Variants in ITPK1 observed in about 807,000 individuals in gnomAD.
The protein encoded by ITPK1 is inositol-tetrakisphosphate 1-kinase, also known as inositol 1,3,4-trisphosphate 5/6-kinase.
Under a neutral mutation model 45.3 loss-of-function variants are expected in ITPK1, and 21 were observed. The observed-to-expected ratio is 0.46, with a 90% CI of 0.33 to 0.67. The LOEUF (loss-of-function observed/expected upper bound fraction) is 0.67. Among genes scored for constraint, ITPK1 ranks in the 30% least tolerant of loss-of-function variants. The pLI is 0.02. For missense variants in ITPK1, 474 were observed against 573.5 expected, an observed-to-expected ratio of 0.83 and a Z score of 1.77; for synonymous variants, 258 against 253.6, an observed-to-expected ratio of 1.02 and a Z score of -0.16.
At chr14:93,079,592 C>A (rs570216583) in intron 2 of ITPK1, among the ~76,000 whole-genome samples, 9 of 152,182 alleles carry the variant, frequency 5.9e-5, no homozygotes, top group Non-Finnish European at 1.0e-4. Flanking sequence ...GAGGTGGCAG[C>A]GGAAAACTGC....
Position 93,110,617 on chromosome 14 carries a change from G to C in ITPK1, c.95+4452C>G, listed in dbSNP as rs372599212. Among the ~76,000 whole-genome samples, 246 of 152,348 alleles carry C rather than the reference G, an allele frequency of 1.6e-3. 3 individuals are homozygous for C. The South Asian group carries it at 0.043, about 27-fold the overall frequency. ...TGACACCAAACTCCCAGACCCATGA[G>C]AGCAGATGCAGGCCTGGGCTACCTA... is the stretch of plus-strand genomic sequence containing the variant. On this transcript the variant is annotated intron_variant, in intron 2 of 10. Coordinates refer to ENST00000267615, the MANE Select transcript of ITPK1 (RefSeq NM_014216.6).
intron 4 of ITPK1, among the ~76,000 whole-genome samples, chr14:92,999,272 C>T (rs1017326416): frequency 1.3e-5 from 2 of 152,234 alleles, no homozygotes; most frequent in African/African-American, 4.8e-5. Context: ...ATTTGCGGGT[C>T]CCCCACAGCA....
Position 93,016,758 on chromosome 14 carries a change from A to G in ITPK1, c.164T>C (p.Val55Ala). Residue 55 changes from valine to alanine, a missense_variant, in exon 4 of 11, where the codon GTC (valine) becomes GCC (alanine). By Grantham distance (64) the Val-to-Ala change is moderately conservative. Transcript: ENST00000267615. This position sits in a 1 kb window ranked among gnomAD's most constrained non-coding sequence, Gnocchi z 5.0. ...RPIEEQGPLD[V>A]IIHKLTDVIL... is the part of the protein sequence containing the mutation. ...GACGTCAGTCAGCTTGTGGATGATG[A>G]CGTCCAGGGGGCCCTGCTCCTCGAT... 1 of 1,614,084 alleles carries G rather than the reference A, an allele frequency of 6.2e-7. No individual in the cohort carries two copies. The highest frequency in any genetic ancestry group is 8.5e-7 in the Non-Finnish European group (1 of 1,179,994).
intron 2 of ITPK1, among the ~76,000 whole-genome samples, chr14:93,081,986 G>A (rs1020010164): frequency 6.6e-6 from 1 of 152,186 alleles, no homozygotes; most frequent in East Asian, 1.9e-4. Context: ...CTAGGGCAGG[G>A]CCTGGGAAGG....
intron 2 of ITPK1, among the ~76,000 whole-genome samples, chr14:93,112,384 C>T (rs970897750): frequency 6.6e-6 from 1 of 152,018 alleles, no homozygotes; most frequent in Admixed American, 6.6e-5. Context: ...AAACAACCCA[C>T]CCCGGGCCGG....
chr14:92,944,119 G>T (rs1887567631), intron 10 of ITPK1, among the ~76,000 whole-genome samples: 1 of 152,188 alleles, frequency 6.6e-6, no homozygotes, highest in Non-Finnish European at 1.5e-5. Flanking sequence ...AGCTGTTGCG[G>T]TTATTACTCC....
rs1292042693 is a variant in ITPK1 at position 93,035,591 on chromosome 14, C to CGGGA, written c.121-18794_121-18791dup. Reference sequence around the variant, plus strand: ...AGGCCATGCTGCCTAGGAAACAGGACGGGAGGGAGGGAGGGAGGGGGCTCA... The same window carrying CGGGA: ...AGGCCATGCTGCCTAGGAAACAGGACGGGAGGGAGGGAGGGAGGGAGGGGGCTCA... On this transcript the variant is annotated intron_variant, in intron 3 of 10. Transcript: ENST00000267615. Among the ~76,000 whole-genome samples the CGGGA allele has an allele frequency of 1.8e-4, 24 of 135,208 alleles. No homozygotes were observed. In the South Asian group the frequency reaches 5.5e-3, roughly 31 times the overall value. The allele number at this position is 135,208 out of a possible 152,430, so 88.7% of individuals were successfully genotyped here. A position where few individuals can be genotyped will look rare whatever the true frequency, so the allele number is the denominator to read the frequency against.
intron 3 of ITPK1, among the ~76,000 whole-genome samples, chr14:93,055,512 C>A (rs74846260): frequency 1.3e-5 from 2 of 152,122 alleles, no homozygotes; most frequent in African/African-American, 4.8e-5. Flanking sequence ...AAGTGCTCCA[C>A]GAAGGCAGAG....
At chr14:93,049,749 A>G (rs74072544) in intron 3 of ITPK1, among the ~76,000 whole-genome samples, 3,828 of 70,134 alleles carry the variant, frequency 0.055, 224 homozygotes, top group African/African-American at 0.19. Context: ...GAACAGAAGG[A>G]CGGGGGTGGG....
At chr14:93,025,658 A>T (rs1888699370) in intron 3 of ITPK1, among the ~76,000 whole-genome samples, 1 of 152,204 alleles carries the variant, frequency 6.6e-6, no homozygotes, top group Non-Finnish European at 1.5e-5. Context: ...ACTCTTCATT[A>T]ACTTGTCTTT....
intron 3 of ITPK1, among the ~76,000 whole-genome samples, chr14:93,073,104 G>A (rs1891089188): frequency 6.6e-6 from 1 of 152,206 alleles, no homozygotes; most frequent in Non-Finnish European, 1.5e-5. Flanking sequence ...CAGTGTGCCA[G>A]GCCCAGTGCC....
Position 92,940,875 on chromosome 14 carries a change from G to T in ITPK1, c.*686C>A, listed in dbSNP as rs561685992. 575 of 1,288,714 alleles carry T rather than the reference G, an allele frequency of 4.5e-4. 11 individuals are homozygous for T. The South Asian group carries it at 6.7e-3, about 15-fold the overall frequency. The allele number at this position is 1,288,714 out of a possible 1,614,324, so 79.8% of individuals were successfully genotyped here. A position where few individuals can be genotyped will look rare whatever the true frequency, so the allele number is the denominator to read the frequency against. The stretch of plus-strand genomic sequence containing the variant: ...TAGGGGAAGGAGACCGCTGTGCAGG[G>T]CTAAATGGGACGTGTGTTGGGGGGC... On this transcript the variant is annotated 3_prime_UTR_variant, in exon 11 of 11. Transcript: ENST00000267615.
At chr14:92,980,376 C>G (rs1253736233) in intron 5 of ITPK1, among the ~76,000 whole-genome samples, 1 of 152,176 alleles carries the variant, frequency 6.6e-6, no homozygotes, top group African/African-American at 2.4e-5. Flanking sequence ...AGGTGGAGGG[C>G]TCTGGCCCAT....
intron 2 of ITPK1, among the ~76,000 whole-genome samples, chr14:93,104,986 T>C (rs1892465018): frequency 6.6e-6 from 1 of 152,194 alleles, no homozygotes; most frequent in Non-Finnish European, 1.5e-5. Flanking sequence ...GAATGTCTCT[T>C]GTGCAAAACT....
chr14:93,076,699 G>A lies in ITPK1; in HGVS notation c.96-80C>T. ...TTCCGAAGGTTCCCGACAGCCGGCTGAGGGCAGGACCATGAGAGGGTTTCA... is the reference window on the plus strand; with the variant it reads ...TTCCGAAGGTTCCCGACAGCCGGCTAAGGGCAGGACCATGAGAGGGTTTCA... On this transcript the variant is annotated intron_variant, in intron 2 of 10. Transcript: ENST00000267615. This position sits in a 1 kb window ranked among gnomAD's most constrained non-coding sequence, Gnocchi z 4.3. 1 of 1,568,504 alleles carries A rather than the reference G, an allele frequency of 6.4e-7. No homozygotes were observed. The highest frequency in any genetic ancestry group is 2.2e-5 in the East Asian group (1 of 44,668).
intron 5 of ITPK1, among the ~76,000 whole-genome samples, chr14:92,993,207 A>C (rs1886877152): frequency 6.6e-6 from 1 of 152,216 alleles, no homozygotes; most frequent in Non-Finnish European, 1.5e-5. Flanking sequence ...CTTAAAATTA[A>C]ACAAGAGCTC....
At position 93,016,720 on chromosome 14, in the gene ITPK1, C is replaced by G; in HGVS notation, c.202G>C (p.Asp68His). 1 of 1,614,130 alleles carries G rather than the reference C, an allele frequency of 6.2e-7. No homozygotes were observed. The highest frequency in any genetic ancestry group is 8.5e-7 in the Non-Finnish European group (1 of 1,180,010). The change falls in exon 4 of 11, where the codon GAC (aspartate) becomes CAC (histidine). Residue 68 changes from aspartate to histidine, a missense_variant. Around this residue, in one of 2 missense-constraint regions of ITPK1, gnomAD observed 367 missense variants for 480.6 expected, o/e 0.76. Coordinates refer to ENST00000267615, the MANE Select transcript of ITPK1 (RefSeq NM_014216.6). The surrounding 1 kb of genome is among the most constrained non-coding windows in gnomAD (Gnocchi z 5.0). ...TCCAGGGACTGGCTATCATTCTGGTCGGCTTCAAGGATGACGTCAGTCAGC... is the reference window on the plus strand; with the variant it reads ...TCCAGGGACTGGCTATCATTCTGGTGGGCTTCAAGGATGACGTCAGTCAGC... ...HKLTDVILEA[D>H]QNDSQSLELV...
intron 2 of ITPK1, among the ~76,000 whole-genome samples, chr14:93,078,860 C>T (rs1467101865): frequency 1.3e-5 from 2 of 152,176 alleles, no homozygotes; most frequent in Admixed American, 6.5e-5. Flanking sequence ...AGCAGAGGAC[C>T]TTGAGGAGCC....
intron 4 of ITPK1, among the ~76,000 whole-genome samples, chr14:93,011,265 G>A (rs1245865722): frequency 6.6e-6 from 1 of 152,196 alleles, no homozygotes; most frequent in Non-Finnish European, 1.5e-5. Context: ...ACCACGTGGT[G>A]CAAGCCCAGC....
Sources: gnomAD v4.1 joint callset for allele counts (sites outside exome capture counted in the v4.1 genomes callset) on GRCh38, gnomAD v4.1.1 for gene constraint, gnomAD v4.1.1 regional missense constraint, Gnocchi (gnomAD v3.1) non-coding constraint, MANE v1.5 for transcripts, NCBI Gene and HGNC (gene_info 2026-07-23, HGNC 2026-07-21) for gene names.